The following ZNF638 variants were observed in gnomAD, a reference collection of about 807,000 sequenced individuals.
ZNF638 encodes zinc finger protein 638.
In ZNF638, 46 loss-of-function variants were observed where a neutral mutation model predicts 195.6. That is an observed-to-expected ratio of 0.24 (90% CI 0.19 to 0.30). The LOEUF (loss-of-function observed/expected upper bound fraction) is 0.30, where lower values mean the gene tolerates loss of function less well. Ranked by LOEUF, ZNF638 falls within the 10% of genes least tolerant of loss-of-function variation. The pLI is 1.00. For synonymous variants in ZNF638, 845 were observed against 772.0 expected (o/e 1.09, Z -1.57); for missense variants, 2,440 against 2,325.3 (o/e 1.05, Z -1.01).
chr2:71,380,321 CAT>C (rs1287942367), intron 9 of ZNF638, 41 bp downstream of exon 9: 6 of 1,403,340 alleles, frequency 4.3e-6, no homozygotes, highest in Non-Finnish European at 5.8e-6. Context: ...ATGAAATGTG[CAT>C]ATGACTTAAG....
intron 22 of ZNF638, 62 bp from the exon 23 acceptor site, chr2:71,424,588 C>A (rs1462837008): frequency 1.1e-5 from 13 of 1,223,710 alleles, no homozygotes; most frequent in African/African-American, 1.6e-5. Context: ...GTTTTTTTTT[C>A]CAGAACATTA....
intron 26 of ZNF638, 93 bp downstream of exon 26, chr2:71,431,521 A>G (rs2080660311): frequency 1.9e-6 from 2 of 1,073,990 alleles, no homozygotes; most frequent in Non-Finnish European, 2.8e-6. Context: ...GCACTTCGGG[A>G]GGCCGAGGCG....
At chr2:71,352,384 A>G (rs1284205799) in intron 2 of ZNF638, among the ~76,000 whole-genome samples, 3 of 151,814 alleles carry the variant, frequency 2.0e-5, no homozygotes, top group Non-Finnish European at 4.4e-5. Context: ...AGGCTGAGGC[A>G]GAGAATCGCT....
At chr2:71,390,706 T>C (rs1057188451) in intron 10 of ZNF638, among the ~76,000 whole-genome samples, 6 of 152,180 alleles carry the variant, frequency 3.9e-5, no homozygotes, top group Non-Finnish European at 7.3e-5. Context: ...ATAAGAATTT[T>C]ACTGGCTTAT....
chr2:71,343,827 C>T (rs1403878796), intron 1 of ZNF638, among the ~76,000 whole-genome samples: 1 of 152,188 alleles, frequency 6.6e-6, no homozygotes, highest in East Asian at 1.9e-4. Flanking sequence ...CACACCATCT[C>T]CTGTTAAAAT....
chr2:71,339,783 G>A (rs2078733673), intron 1 of ZNF638, among the ~76,000 whole-genome samples: 1 of 152,122 alleles, frequency 6.6e-6, no homozygotes, highest in African/African-American at 2.4e-5. Context: ...AAAAATCCTA[G>A]GGAAGATTTC....
chr2:71,332,857 T>A (rs1380660451), intron 1 of ZNF638: 1 of 152,092 alleles, frequency 6.6e-6, no homozygotes. Flanking sequence ...GACCAGAAAT[T>A]GTAGTAGTTT....
intron 10 of ZNF638, among the ~76,000 whole-genome samples, chr2:71,384,571 C>T (rs1012710834): frequency 6.6e-6 from 1 of 152,198 alleles, no homozygotes; most frequent in African/African-American, 2.4e-5. Flanking sequence ...CTTAATAGGT[C>T]GCAGGCAAGG....
In ZNF638 at chr2:71,433,299, C is replaced by T. The variant is rs1430522242; in HGVS notation, c.5871+16C>T. The T allele has an allele frequency of 1.3e-6, 2 of 1,548,878 alleles. No individual in the cohort carries two copies. The highest frequency in any genetic ancestry group is 1.1e-5 in the South Asian group (1 of 88,966). On this transcript the variant is annotated intron_variant, in intron 27 of 27. Coordinates refer to ENST00000264447, the MANE Select transcript of ZNF638 (RefSeq NM_014497.5). ...AAATACTGAGGTAATTTTAAAAATT[C>T]TTACAAAATCTTGAGGTGTTGTTAT...
chr2:71,363,298 A>G, intron 4 of ZNF638, 107 bp downstream of exon 4: 1 of 849,986 alleles, frequency 1.2e-6, no homozygotes, highest in Non-Finnish European at 1.8e-6. Flanking sequence ...CCATTTAAAC[A>G]ACAGGCAAAT....
At chr2:71,365,383 C>T (rs752161022) in intron 5 of ZNF638, 46 bp from the exon 6 acceptor site, 1 of 1,455,782 alleles carries the variant, frequency 6.9e-7, no homozygotes, top group Non-Finnish European at 9.2e-7. Context: ...ATGGCTCCTA[C>T]CTTAATTTTT....
At chr2:71,391,143 C>G (rs1453983474) in intron 10 of ZNF638, among the ~76,000 whole-genome samples, 2 of 152,146 alleles carry the variant, frequency 1.3e-5, no homozygotes, top group Non-Finnish European at 2.9e-5. Flanking sequence ...TCATCATTCC[C>G]AAAAGGTCTG....
At chr2:71,418,577 TA>T in intron 20 of ZNF638, 24 bp from the exon 21 acceptor site, 1 of 1,506,278 alleles carries the variant, frequency 6.6e-7, no homozygotes, top group Non-Finnish European at 8.9e-7. Context: ...GAATAGCCTC[TA>T]ATAAAATGCT....
At chr2:71,416,767 G>C (rs2080301515) in intron 20 of ZNF638, among the ~76,000 whole-genome samples, 1 of 82,832 alleles carries the variant, frequency 1.2e-5, no homozygotes, top group South Asian at 6.2e-4. Flanking sequence ...CCTGCTGGGG[G>C]GTGCCTCCCA....
intron 4 of ZNF638, 132 bp from the exon 5 acceptor site, chr2:71,363,822 T>C (rs2104269658): frequency 2.6e-6 from 3 of 1,167,028 alleles, no homozygotes; most frequent in Non-Finnish European, 2.3e-6. Context: ...GATTTTTGTT[T>C]TAAGTACATA....
rs376907618 is a variant in ZNF638 at position 71,349,798 on chromosome 2, C to A, written c.844C>A (p.Arg282=). The change falls in exon 2 of 28, where the codon CGG becomes AGG. Residue 282 remains arginine (R), a synonymous_variant. Transcript: ENST00000264447. ...MDFPGESSNN[R]SFFSVESGTK... is the part of the protein sequence containing the mutation. ...CTTCCCCGGTGAGTCCTCCAATAAT[C>A]GGTCCTTTTTCTCAGTTGAGAGTGG... is the stretch of plus-strand genomic sequence containing the variant. The A allele has an allele frequency of 1.2e-6, 2 of 1,614,176 alleles. No homozygotes were observed. Among genetic ancestry groups the A allele is most frequent in the South Asian group, 2.2e-5 (2 of 91,076 alleles).
Position 71,429,982 on chromosome 2 carries a change from C to T in ZNF638, c.5650+1331C>T, listed in dbSNP as rs1215895307. On this transcript the variant is annotated intron_variant, in intron 25 of 27. Transcript: ENST00000264447. ...CGCATGATTTCATGAGGTCACCCCC[C>T]GACTTCAGAATTTCTGTATGGTAGG... Among the ~76,000 whole-genome samples the T allele has an allele frequency of 3.9e-5, 6 of 152,154 alleles. No individual in the cohort carries two copies. In the East Asian group the frequency reaches 5.8e-4, roughly 15 times the overall value.
rs748026128 is a variant in ZNF638 at position 71,434,540 on chromosome 2, CA to C, written c.5872-201del. ...TCTGTCTTGTTGCCCACCGAATCCT[CA>C]GGCACCAAGTGTAATACCTGGTGTG... On this transcript the variant is annotated intron_variant, in intron 27 of 27. Transcript: ENST00000264447. Among the ~76,000 whole-genome samples, 10 of 152,286 alleles carry C rather than the reference CA, an allele frequency of 6.6e-5. No homozygotes were observed. The South Asian group carries it at 1.0e-3, about 16-fold the overall frequency.
At chr2:71,373,475 C>CTCTCTG (rs1412229172) in intron 8 of ZNF638, among the ~76,000 whole-genome samples, 2 of 112,246 alleles carry the variant, frequency 1.8e-5, no homozygotes, top group Non-Finnish European at 3.3e-5. Context: ...GGCGGAGCCT[C>CTCTCTG]TCTCTGTCGC....
Sources: gnomAD v4.1 joint callset for allele counts (sites outside exome capture counted in the v4.1 genomes callset) on GRCh38, gnomAD v4.1.1 for gene constraint, MANE v1.5 for transcripts, NCBI Gene and HGNC (gene_info 2026-07-23, HGNC 2026-07-21) for gene names.